The following ZNF423 variants were observed in gnomAD, a reference collection of about 807,000 sequenced individuals.
ZNF423 encodes the protein zinc finger protein 423.
A neutral mutation model predicts 95.8 loss-of-function variants in ZNF423; 12 were observed. That is an observed-to-expected ratio of 0.13 (90% CI 0.08 to 0.20). The LOEUF (loss-of-function observed/expected upper bound fraction) is 0.20, where lower values mean the gene tolerates loss of function less well. Ranked by LOEUF, ZNF423 falls within the 10% of genes least tolerant of loss-of-function variation. The pLI, the probability that ZNF423 is intolerant of heterozygous loss-of-function variation, is 1.00. For missense variants in ZNF423, 1,316 were observed against 1,737.1 expected, an observed-to-expected ratio of 0.76 and a Z score of 4.31; for synonymous variants, 749 against 711.9, an observed-to-expected ratio of 1.05 and a Z score of -0.83.
Position 49,638,973 on chromosome 16 carries a change from G to T in ZNF423, c.302-99C>A. On this transcript the variant is annotated intron_variant, in intron 3 of 7. Coordinates refer to ENST00000563137, the MANE Select transcript of ZNF423 (RefSeq NM_001379286.1). This position sits in a 1 kb window ranked among gnomAD's most constrained non-coding sequence, Gnocchi z 5.6. ...TCGACAGCACGCGGGCTGAGGCTGT[G>T]CAGCTGGCCAACGGCTGCAGGGGGC... is the stretch of plus-strand genomic sequence containing the variant. 6.8e-7 allele frequency: 1 copy of T among 1,460,344 alleles called. No homozygotes were observed. The allele number at this position is 1,460,344 out of a possible 1,614,324, so 90.5% of individuals were successfully genotyped here.
At chr16:49,507,561 G>A (rs569515544) in intron 7 of ZNF423, among the ~76,000 whole-genome samples, 1 of 152,342 alleles carries the variant, frequency 6.6e-6, no homozygotes, top group African/African-American at 2.4e-5. Flanking sequence ...ACTGGTCACT[G>A]TGCAGGAAGC....
intron 1 of ZNF423, chr16:49,853,913 C>T (rs1483115689): frequency 2.0e-6 from 2 of 985,256 alleles, no homozygotes; most frequent in Admixed American, 6.2e-5. Context: ...AAATCAACTG[C>T]CTGAGTTAAA....
intron 5 of ZNF423, among the ~76,000 whole-genome samples, chr16:49,545,011 C>T (rs956990163): frequency 2.6e-5 from 4 of 152,234 alleles, no homozygotes; most frequent in African/African-American, 4.8e-5. Context: ...ACTATGGGGC[C>T]GGTGCCGTTA....
intron 3 of ZNF423, among the ~76,000 whole-genome samples, chr16:49,692,709 C>T (rs2031831923): frequency 6.6e-6 from 1 of 152,246 alleles, no homozygotes; most frequent in Non-Finnish European, 1.5e-5. Context: ...CAGGCAAATG[C>T]CCACCCACTC....
intron 3 of ZNF423, among the ~76,000 whole-genome samples, chr16:49,671,414 C>A (rs2030801928): frequency 2.6e-5 from 4 of 152,222 alleles, no homozygotes; most frequent in Admixed American, 2.6e-4. Flanking sequence ...TCCATGAGGT[C>A]CCAAGCACGC....
At position 49,488,751 on chromosome 16, in the gene ZNF423, A is replaced by G. The variant is rs1029747654; in HGVS notation, c.*2524T>C. 1 of 152,210 alleles carries G rather than the reference A, an allele frequency of 6.6e-6. No individual in the cohort carries two copies. The highest frequency in any genetic ancestry group is 2.4e-5 in the African/African-American group (1 of 41,440). 9.4% of individuals were successfully genotyped at this position (152,210 alleles called of 1,614,324 possible). On this transcript the variant is annotated 3_prime_UTR_variant, in exon 8 of 8. Coordinates refer to ENST00000563137, the MANE Select transcript of ZNF423 (RefSeq NM_001379286.1). ...AAGGGGTTAGTGAGTTCTCCGAGGC[A>G]CAGGTTTATAACCCTACACTGCTCC...
At chr16:49,585,026 C>T (rs1188197733) in intron 5 of ZNF423, among the ~76,000 whole-genome samples, 1 of 152,118 alleles carries the variant, frequency 6.6e-6, no homozygotes, top group African/African-American at 2.4e-5. Flanking sequence ...ACTGCCATGG[C>T]TTTCTCAAGG....
At chr16:49,854,355 G>A in intron 1 of ZNF423, 1 of 985,430 alleles carries the variant, frequency 1.0e-6, no homozygotes, top group Non-Finnish European at 1.2e-6. Context: ...GACTTCAGGA[G>A]GACAGAACTG....
chr16:49,850,016 T>A (rs34294937), intron 1 of ZNF423, among the ~76,000 whole-genome samples: 23,976 of 152,216 alleles, frequency 0.16, 2,307 homozygotes, highest in Non-Finnish European at 0.22. Context: ...ACATTAAAAA[T>A]CAAACCTTTG....
At chr16:49,553,506 C>G (rs567188068) in intron 5 of ZNF423, among the ~76,000 whole-genome samples, 6 of 151,996 alleles carry the variant, frequency 3.9e-5, no homozygotes, top group African/African-American at 1.2e-4. Flanking sequence ...ACCACCCCCA[C>G]GGGCTATTTT....
At chr16:49,793,657 G>A (rs909704939) in intron 1 of ZNF423, among the ~76,000 whole-genome samples, 3 of 152,194 alleles carry the variant, frequency 2.0e-5, no homozygotes, top group African/African-American at 7.2e-5. Context: ...AGGGTATACC[G>A]GCATAGGGAC....
intron 3 of ZNF423, among the ~76,000 whole-genome samples, chr16:49,649,187 G>A (rs1048675216): frequency 6.6e-6 from 1 of 152,170 alleles, no homozygotes; most frequent in African/African-American, 2.4e-5. Context: ...TAAGCGGGCA[G>A]AACCTCAAGC....
At chr16:49,754,387 A>C (rs1443690898) in intron 2 of ZNF423, among the ~76,000 whole-genome samples, 1 of 152,188 alleles carries the variant, frequency 6.6e-6, no homozygotes, top group Non-Finnish European at 1.5e-5. Flanking sequence ...TGTTTAATTA[A>C]GTAATTATAG....
At chr16:49,801,865 T>C (rs1442504321) in intron 1 of ZNF423, among the ~76,000 whole-genome samples, 1 of 152,104 alleles carries the variant, frequency 6.6e-6, no homozygotes, top group Non-Finnish European at 1.5e-5. Flanking sequence ...TTTATTTTTT[T>C]AGAGATACAG....
chr16:49,583,149 A>C (rs16947647), intron 5 of ZNF423, among the ~76,000 whole-genome samples: 7,575 of 152,290 alleles, frequency 0.05, 234 homozygotes, highest in African/African-American at 0.084. Flanking sequence ...ACACTAGCAA[A>C]GGGTTAGGAC....
At chr16:49,621,463 C>T (rs555944594) in intron 5 of ZNF423, among the ~76,000 whole-genome samples, 1 of 152,276 alleles carries the variant, frequency 6.6e-6, no homozygotes, top group African/African-American at 2.4e-5. Context: ...CCAGGGTCTC[C>T]GGGCTGCAGA....
chr16:49,737,063 T>C (rs1362073594), intron 2 of ZNF423, among the ~76,000 whole-genome samples: 2 of 152,032 alleles, frequency 1.3e-5, no homozygotes, highest in African/African-American at 4.8e-5. Flanking sequence ...CTGGTACCAT[T>C]TTACACTCAC....
At chr16:49,633,408 A>G (rs1972568761) in intron 4 of ZNF423, among the ~76,000 whole-genome samples, 1 of 152,230 alleles carries the variant, frequency 6.6e-6, no homozygotes, top group Non-Finnish European at 1.5e-5. Flanking sequence ...GATGGGGAAC[A>G]GGCAGTGACC....
chr16:49,815,898 ATATATATATATATATATT>A (rs1567356335), intron 1 of ZNF423, among the ~76,000 whole-genome samples: 76 of 47,708 alleles, frequency 1.6e-3, no homozygotes, highest in South Asian at 5.6e-3. Flanking sequence ...ATATATATAT[ATATATATATATATATATT>A]TTTTTTTTTT....
Sources: allele counts gnomAD v4.1 joint callset (sites outside exome capture counted in the v4.1 genomes callset), GRCh38; gene constraint gnomAD v4.1.1; non-coding constraint Gnocchi (gnomAD v3.1); transcripts MANE v1.5; gene names NCBI Gene and HGNC (gene_info 2026-07-23, HGNC 2026-07-21).